Variants in EGF observed in about 807,000 individuals in gnomAD.
The protein encoded by EGF is pro-epidermal growth factor.
EGF carries 95 observed loss-of-function variants against 143.8 expected under a neutral mutation model. The ratio of observed to expected loss-of-function variants is 0.66; its 90% confidence interval spans 0.56 to 0.78. The LOEUF (loss-of-function observed/expected upper bound fraction) is 0.78. EGF is among the 30% of genes least tolerant of loss of function. The pLI is 0.00. For synonymous variants in EGF, 510 were observed against 510.5 expected, an observed-to-expected ratio of 1.00 and a Z score of 0.01; for missense variants, 1,320 against 1,470.9, an observed-to-expected ratio of 0.90 and a Z score of 1.68.
intron 1 of EGF, 54 bp downstream of exon 1, chr4:109,913,516 C>A: frequency 6.3e-7 from 1 of 1,599,984 alleles, no homozygotes. Flanking sequence ...GCCCCCACAT[C>A]CCTGTTGGTT....
chr4:110,007,682 T>G (rs955494662), intron 22 of EGF, among the ~76,000 whole-genome samples: 18 of 152,246 alleles, frequency 1.2e-4, no homozygotes, highest in African/African-American at 4.3e-4. Flanking sequence ...TGGTAATTAT[T>G]ACTACCTTTA....
intron 9 of EGF, 105 bp from the exon 10 acceptor site, chr4:109,964,296 T>C: frequency 1.3e-6 from 2 of 1,503,162 alleles, no homozygotes; most frequent in African/African-American, 1.4e-5. Context: ...AAACAAGTAC[T>C]GTAGAAATTG....
rs2126057564 is a variant in EGF at position 109,960,880 on chromosome 4, T to C, written c.1080T>C (p.Cys360=). Residue 360 remains cysteine, a synonymous_variant, in exon 7 of 24, where the codon TGT becomes TGC. Transcript: ENST00000265171. ...GTCATTGTGCAGATGTTAATGAATG[T>C]GCTTTTTGGAATCATGGCTGTACTC... ...DRKYCEDVNE[C]AFWNHGCTLG... 6.2e-7 allele frequency: 1 copy of C among 1,613,968 alleles called. No individual in the cohort carries two copies. The highest frequency in any genetic ancestry group is 2.2e-5 in the East Asian group (1 of 44,874).
At chr4:109,966,530 A>G (rs1746631337) in intron 10 of EGF, among the ~76,000 whole-genome samples, 1 of 152,080 alleles carries the variant, frequency 6.6e-6, no homozygotes. Flanking sequence ...TTTTGATATA[A>G]TACTTTCTTT....
chr4:109,993,005 G>A (rs1205235067), intron 18 of EGF, among the ~76,000 whole-genome samples: 2 of 150,760 alleles, frequency 1.3e-5, no homozygotes, highest in Non-Finnish European at 2.9e-5. Context: ...TAAATGACGA[G>A]TTAATGGGTG....
chr4:109,921,270 T>G (rs1004304514), intron 1 of EGF, among the ~76,000 whole-genome samples: 1 of 149,558 alleles, frequency 6.7e-6, no homozygotes, highest in Admixed American at 6.6e-5. Flanking sequence ...TTCAGTTGTT[T>G]TAGCCAAATA....
intron 15 of EGF, among the ~76,000 whole-genome samples, chr4:109,983,212 A>T (rs1749644992): frequency 6.6e-6 from 1 of 152,134 alleles, no homozygotes; most frequent in South Asian, 2.1e-4. Flanking sequence ...TATCCCCCGA[A>T]TCATTAAGTG....
At chr4:109,924,936 G>A (rs1738387529) in intron 1 of EGF, among the ~76,000 whole-genome samples, 1 of 152,220 alleles carries the variant, frequency 6.6e-6, no homozygotes, top group African/African-American at 2.4e-5. Context: ...TACCTGGGAA[G>A]ATGTTAGCTA....
At chr4:109,933,936 C>A (rs1020073067) in intron 1 of EGF, among the ~76,000 whole-genome samples, 1 of 152,094 alleles carries the variant, frequency 6.6e-6, no homozygotes, top group African/African-American at 2.4e-5. Flanking sequence ...GGGTATATAT[C>A]CAGTAATGGG....
At chr4:110,009,900 C>A (rs1198417167) in intron 23 of EGF, among the ~76,000 whole-genome samples, 1 of 152,180 alleles carries the variant, frequency 6.6e-6, no homozygotes, top group Non-Finnish European at 1.5e-5. Context: ...ATGCTAGGGG[C>A]AGCTGACTAT....
chr4:109,915,426 A>G (rs1158162400), intron 1 of EGF, among the ~76,000 whole-genome samples: 1 of 152,164 alleles, frequency 6.6e-6, no homozygotes, highest in African/African-American at 2.4e-5. Context: ...TAAATCTCTG[A>G]TCAAGTCATA....
At chr4:109,949,800 G>A (rs1449622763) in intron 5 of EGF, among the ~76,000 whole-genome samples, 1 of 152,220 alleles carries the variant, frequency 6.6e-6, no homozygotes, top group Admixed American at 6.5e-5. Flanking sequence ...GCCAAGGCAA[G>A]GGAGGGGCTT....
intron 8 of EGF, among the ~76,000 whole-genome samples, 174 bp from the exon 9 acceptor site, chr4:109,962,999 G>A (rs571043142): frequency 8.6e-5 from 13 of 151,568 alleles, no homozygotes; most frequent in African/African-American, 1.5e-4. Flanking sequence ...CTTGGGAGGC[G>A]GAGGTTGCAA....
At chr4:109,979,847 C>T in intron 13 of EGF, 125 bp from the exon 14 acceptor site, 1 of 1,167,622 alleles carries the variant, frequency 8.6e-7, no homozygotes, top group Non-Finnish European at 1.2e-6. Flanking sequence ...TCACTCATAA[C>T]TTGCTGAGTA....
At chr4:109,916,489 C>T (rs377622374) in intron 1 of EGF, among the ~76,000 whole-genome samples, 1 of 152,066 alleles carries the variant, frequency 6.6e-6, no homozygotes, top group African/African-American at 2.4e-5. Context: ...TACCCTCTTC[C>T]GAGGACTCTT....
intron 1 of EGF, among the ~76,000 whole-genome samples, chr4:109,935,857 G>T (rs1740682290): frequency 6.6e-6 from 1 of 152,138 alleles, no homozygotes; most frequent in Admixed American, 6.5e-5. Flanking sequence ...TTATTGATTT[G>T]CGTATGTTGA....
At chr4:109,915,932 G>A (rs544695878) in intron 1 of EGF, among the ~76,000 whole-genome samples, 1 of 152,072 alleles carries the variant, frequency 6.6e-6, no homozygotes, top group Non-Finnish European at 1.5e-5. Flanking sequence ...TTCTGTTAGC[G>A]TCTACTTGAG....
intron 13 of EGF, among the ~76,000 whole-genome samples, chr4:109,978,564 G>A (rs578099627): frequency 3.1e-4 from 47 of 152,272 alleles, no homozygotes; most frequent in African/African-American, 1.1e-3. Context: ...AAAGGAGAAT[G>A]GTGGTTTCCA....
chr4:109,977,292 A>G (rs896429673), intron 13 of EGF: 1 of 152,154 alleles, frequency 6.6e-6, no homozygotes, highest in African/African-American at 2.4e-5. Flanking sequence ...TAAGATACCT[A>G]TTTTGCCCAT....
Sources: allele counts gnomAD v4.1 joint callset (sites outside exome capture counted in the v4.1 genomes callset), GRCh38; gene constraint gnomAD v4.1.1; transcripts MANE v1.5; gene names NCBI Gene and HGNC (gene_info 2026-07-23, HGNC 2026-07-21).